The following ILRUN variants were observed in gnomAD, a reference collection of about 807,000 sequenced individuals.
ILRUN encodes protein ILRUN.
In ILRUN, 3 loss-of-function variants were observed where a neutral mutation model predicts 33.8. The ratio of observed to expected loss-of-function variants is 0.09; its 90% CI spans 0.04 to 0.23. The LOEUF is 0.23. ILRUN is among the 10% of genes least tolerant of loss of function. The probability of loss-of-function intolerance (pLI) is 1.00; values close to 1 mark genes in which losing one functional copy is unlikely to be tolerated. For synonymous variants in ILRUN, 124 were observed against 138.9 expected, an observed-to-expected ratio of 0.89 and a Z score of 0.75; for missense variants, 210 against 375.1, an observed-to-expected ratio of 0.56 and a Z score of 3.64.
chr6:34,594,645 G>T (rs985682829), intron 4 of ILRUN, among the ~76,000 whole-genome samples: 1 of 152,298 alleles, frequency 6.6e-6, no homozygotes, highest in East Asian at 1.9e-4. Context: ...AGGTATGAGC[G>T]TGGGGACCTA....
intron 2 of ILRUN, among the ~76,000 whole-genome samples, chr6:34,653,232 A>AT (rs1460665874): frequency 6.7e-6 from 1 of 150,352 alleles, no homozygotes; most frequent in Non-Finnish European, 1.5e-5. Context: ...ATTTATTTTT[A>AT]TTTTTAATTT....
chr6:34,683,475 C>CAT lies in ILRUN; in HGVS notation c.158+12969_158+12970dup, dbSNP rs1193684499. Among the ~76,000 whole-genome samples, 8 of 79,876 alleles carry CAT rather than the reference C, an allele frequency of 1.0e-4. No individual in the cohort carries two copies. In the East Asian group the frequency reaches 1.2e-3, roughly 12 times the overall value. 52.4% of individuals were successfully genotyped at this position (79,876 alleles called of 152,430 possible). A position where few individuals can be genotyped will look rare whatever the true frequency, so the allele number is the denominator to read the frequency against. On this transcript the variant is annotated intron_variant, in intron 1 of 4. Transcript: ENST00000374023. ...ATACATATATATACATATATATACA[C>CAT]ATATATATATACATATATATATACA...
intron 1 of ILRUN, among the ~76,000 whole-genome samples, chr6:34,663,290 G>T (rs1762926715): frequency 1.3e-5 from 2 of 152,038 alleles, no homozygotes; most frequent in African/African-American, 4.8e-5. Flanking sequence ...GGGTATAGTG[G>T]CGCGTGCCTA....
At chr6:34,648,545 G>C (rs3800461) in intron 2 of ILRUN, among the ~76,000 whole-genome samples, 13,638 of 152,178 alleles carry the variant, frequency 0.09, 828 homozygotes, top group Non-Finnish European at 0.12. Context: ...ACCCTATAAA[G>C]GGCAACCACT....
chr6:34,617,058 A>G, intron 3 of ILRUN: 1 of 529,212 alleles, frequency 1.9e-6, no homozygotes. Context: ...CTTGGTAAAT[A>G]TGGCATCACC....
intron 4 of ILRUN, chr6:34,596,019 G>A (rs191371501): frequency 3.5e-5 from 28 of 803,078 alleles, no homozygotes; most frequent in African/African-American, 5.6e-5. Context: ...CAAACATTGT[G>A]TGGTGAGGCC....
intron 4 of ILRUN, chr6:34,595,627 T>C (rs1434786860): frequency 2.8e-6 from 1 of 353,500 alleles, no homozygotes; most frequent in African/African-American, 2.2e-5. Flanking sequence ...GAAAAAAGGA[T>C]GTCTCATTGA....
At chr6:34,660,275 C>A (rs1196327187) in intron 1 of ILRUN, among the ~76,000 whole-genome samples, 2 of 151,742 alleles carry the variant, frequency 1.3e-5, no homozygotes, top group African/African-American at 2.4e-5. Flanking sequence ...TGCACTCCAG[C>A]CTGGGCAACA....
At chr6:34,652,067 C>T (rs1263373558) in intron 2 of ILRUN, among the ~76,000 whole-genome samples, 1 of 152,148 alleles carries the variant, frequency 6.6e-6, no homozygotes, top group Non-Finnish European at 1.5e-5. Flanking sequence ...GCTGGGATTA[C>T]AGGTGTGAGC....
At chr6:34,647,130 G>T (rs777711588) in intron 2 of ILRUN, among the ~76,000 whole-genome samples, 1 of 152,164 alleles carries the variant, frequency 6.6e-6, no homozygotes, top group Non-Finnish European at 1.5e-5. Context: ...AAGAGCCATG[G>T]AGATGAAGCA....
rs975435902 is a variant in ILRUN at position 34,592,714 on chromosome 6, T to C, written c.862-2114A>G. On this transcript the variant is annotated intron_variant, in intron 4 of 4. Coordinates refer to ENST00000374023, the MANE Select transcript of ILRUN (RefSeq NM_024294.4). This position sits in a 1 kb window ranked among gnomAD's most constrained non-coding sequence, Gnocchi z 4.0. Reference sequence around the variant, plus strand: ...GCAGTTAACTTTTACACCAACCTAATAGAACGTAAAGCAGCTTAAAACAAG... The same window carrying C: ...GCAGTTAACTTTTACACCAACCTAACAGAACGTAAAGCAGCTTAAAACAAG... Among the ~76,000 whole-genome samples the C allele has an allele frequency of 9.2e-5, 14 of 152,310 alleles. No homozygotes were observed. The highest frequency in any genetic ancestry group is 2.1e-4 in the South Asian group (1 of 4,818).
Position 34,589,672 on chromosome 6 carries a change from A to G in ILRUN, c.*893T>C, listed in dbSNP as rs1761259513. On this transcript the variant is annotated 3_prime_UTR_variant, in exon 5 of 5. Transcript: ENST00000374023. ...CTGTTCCCAGAGCAAATGGGAAGCC[A>G]CTGCATGAAGAATCCAAAAGAGCAG... The G allele has an allele frequency of 6.6e-6, 1 of 152,280 alleles. No homozygotes were observed. Among genetic ancestry groups the G allele is most frequent in the African/African-American group, 2.4e-5 (1 of 41,472 alleles). 9.4% of individuals were successfully genotyped at this position (152,280 alleles called of 1,614,324 possible).
In ILRUN at chr6:34,679,621, G is replaced by C. The variant is rs534664714; in HGVS notation, c.158+16825C>G. 4.6e-5 allele frequency among the ~76,000 whole-genome samples: 7 copies of C among 152,326 alleles called. No homozygotes were observed. The East Asian group carries it at 1.3e-3, about 29-fold the overall frequency. On this transcript the variant is annotated intron_variant, in intron 1 of 4. Coordinates refer to ENST00000374023, the MANE Select transcript of ILRUN (RefSeq NM_024294.4). ...TGGTTATATCATTCAGTGAAGAACAGATTACACAACAAGGTGTGCAATAGG... is the reference window on the plus strand; with the variant it reads ...TGGTTATATCATTCAGTGAAGAACACATTACACAACAAGGTGTGCAATAGG...
chr6:34,681,062 G>A (rs948145182), intron 1 of ILRUN, among the ~76,000 whole-genome samples: 2 of 151,740 alleles, frequency 1.3e-5, no homozygotes, highest in Non-Finnish European at 2.9e-5. Flanking sequence ...AAAAAAAAAA[G>A]TAAAAAATAA....
At chr6:34,616,334 C>T (rs1315599010) in intron 3 of ILRUN, among the ~76,000 whole-genome samples, 1 of 152,220 alleles carries the variant, frequency 6.6e-6, no homozygotes, top group Non-Finnish European at 1.5e-5. Flanking sequence ...AGGAACTTCA[C>T]ACTTCCCCTA....
chr6:34,660,100 G>C (rs1241299577), intron 1 of ILRUN, among the ~76,000 whole-genome samples: 1 of 150,820 alleles, frequency 6.6e-6, no homozygotes, highest in Non-Finnish European at 1.5e-5. Flanking sequence ...CCAGAAGTTT[G>C]AGACTAGCCT....
At chr6:34,605,330 A>C (rs909010517) in intron 4 of ILRUN, among the ~76,000 whole-genome samples, 12 of 148,348 alleles carry the variant, frequency 8.1e-5, no homozygotes, top group African/African-American at 1.7e-4. Context: ...AAAAAAAAAA[A>C]AAAAAAAAAA....
At chr6:34,634,402 A>G (rs940938306) in intron 3 of ILRUN, among the ~76,000 whole-genome samples, 1 of 152,174 alleles carries the variant, frequency 6.6e-6, no homozygotes, top group African/African-American at 2.4e-5. Flanking sequence ...AAGGTCTCAA[A>G]GCAATAATCT....
At chr6:34,657,564 C>T (rs1762799343) in intron 1 of ILRUN, among the ~76,000 whole-genome samples, 1 of 152,184 alleles carries the variant, frequency 6.6e-6, no homozygotes, top group Non-Finnish European at 1.5e-5. Context: ...CTGAAAGCAG[C>T]GAACTGGAAT....
Sources: allele counts gnomAD v4.1 joint callset (sites outside exome capture counted in the v4.1 genomes callset), GRCh38; gene constraint gnomAD v4.1.1; non-coding constraint Gnocchi (gnomAD v3.1); transcripts MANE v1.5; gene names NCBI Gene and HGNC (gene_info 2026-07-23, HGNC 2026-07-21).